The following INTS8 variants were observed in gnomAD, a reference collection of about 807,000 sequenced individuals.
INTS8 encodes the protein protein kaonashi-1.
In INTS8, 47 loss-of-function variants were observed where a neutral mutation model predicts 138.9. The observed-to-expected ratio is 0.34, with a 90% CI of 0.27 to 0.43. The LOEUF is 0.43. INTS8 is among the 20% of genes least tolerant of loss of function. The pLI, the probability that INTS8 is intolerant of heterozygous loss-of-function variation, is 1.00. For missense variants in INTS8, 996 were observed against 1,173.0 expected (o/e 0.85, Z 2.20); for synonymous variants, 392 against 400.9 (o/e 0.98, Z 0.27).
intron 20 of INTS8, among the ~76,000 whole-genome samples, chr8:94,869,053 G>A (rs1816290129): frequency 6.6e-6 from 1 of 151,118 alleles, no homozygotes; most frequent in Non-Finnish European, 1.5e-5. Flanking sequence ...CGCAATCTCG[G>A]CTCTCCACAA....
chr8:94,878,298 CCT>C (rs1459804836), intron 26 of INTS8, among the ~76,000 whole-genome samples: 1 of 152,132 alleles, frequency 6.6e-6, no homozygotes, highest in Admixed American at 6.6e-5. Flanking sequence ...TGTTTAAGCC[CCT>C]GTCCTCTCTC....
intron 1 of INTS8, 29 bp downstream of exon 1, chr8:94,823,590 G>C: frequency 6.7e-7 from 1 of 1,501,314 alleles, no homozygotes; most frequent in East Asian, 2.5e-5. Context: ...CCTGGGGAGC[G>C]GGACCCGGCC....
At chr8:94,851,826 A>G (rs745333722) in intron 13 of INTS8, 140 bp downstream of exon 13, 3 of 548,406 alleles carry the variant, frequency 5.5e-6, no homozygotes, top group South Asian at 3.4e-5. Context: ...ACATAATTGC[A>G]TTTTTAACAT....
intron 16 of INTS8, among the ~76,000 whole-genome samples, chr8:94,862,645 G>A (rs1330095664): frequency 6.6e-6 from 1 of 152,194 alleles, no homozygotes; most frequent in Non-Finnish European, 1.5e-5. Context: ...TGGTGACTTT[G>A]CGAAAGAATT....
Position 94,881,724 on chromosome 8 carries a change from T to C in INTS8, c.*1490T>C. On this transcript the variant is annotated 3_prime_UTR_variant, in exon 27 of 27. Transcript: ENST00000523731. Reference sequence around the variant, plus strand: ...GACAACTGTCCCCCTTTTCTGAAGGTGTTTATGTAATTTACTTCCTCCTAT... The same window carrying C: ...GACAACTGTCCCCCTTTTCTGAAGGCGTTTATGTAATTTACTTCCTCCTAT... 6.2e-7 allele frequency: 1 copy of C among 1,613,886 alleles called. No individual in the cohort carries two copies. Among genetic ancestry groups the C allele is most frequent in the Admixed American group, 1.7e-5 (1 of 60,024 alleles).
At chr8:94,878,261 T>C (rs1042120477) in intron 26 of INTS8, among the ~76,000 whole-genome samples, 20 of 152,198 alleles carry the variant, frequency 1.3e-4, no homozygotes, top group African/African-American at 4.1e-4. Context: ...CACATTCTCT[T>C]CGTGGACTCT....
At chr8:94,827,207 T>C in intron 2 of INTS8, 56 bp from the exon 3 acceptor site, 1 of 1,475,522 alleles carries the variant, frequency 6.8e-7, no homozygotes, top group Non-Finnish European at 9.5e-7. Flanking sequence ...ATTTTGTATG[T>C]ATTTTGTGTT....
At chr8:94,826,070 A>T (rs1043928336) in intron 2 of INTS8, among the ~76,000 whole-genome samples, 5 of 152,174 alleles carry the variant, frequency 3.3e-5, no homozygotes, top group African/African-American at 1.2e-4. Flanking sequence ...ACAGGGCCTT[A>T]AATATCTTTG....
rs189675765 is a variant in INTS8 at position 94,835,703 on chromosome 8, G to T, written c.754-821G>T. Reference sequence around the variant, plus strand: ...CAACCTCTGCCTCCCGGGTTCAAGCGATTCTCCTGCCCCAGCCTCCCAAAT... The same window carrying T: ...CAACCTCTGCCTCCCGGGTTCAAGCTATTCTCCTGCCCCAGCCTCCCAAAT... On this transcript the variant is annotated intron_variant, in intron 6 of 26. Coordinates refer to ENST00000523731, the MANE Select transcript of INTS8 (RefSeq NM_017864.4). Among the ~76,000 whole-genome samples the T allele has an allele frequency of 3.2e-3, 480 of 152,034 alleles. 3 individuals carry two copies. The highest frequency in any genetic ancestry group is 0.011 in the African/African-American group (461 of 41,472).
chr8:94,850,126 A>T, intron 12 of INTS8, 35 bp downstream of exon 12: 1 of 1,462,890 alleles, frequency 6.8e-7, no homozygotes, highest in East Asian at 2.4e-5. Context: ...AAATGTTGGC[A>T]TGTTTTGCCC....
chr8:94,870,393 TG>T (rs1227381328), intron 20 of INTS8, among the ~76,000 whole-genome samples: 1 of 152,212 alleles, frequency 6.6e-6, no homozygotes, highest in Non-Finnish European at 1.5e-5. Context: ...GAATAAAGAC[TG>T]GTACATAGTA....
intron 11 of INTS8, 147 bp downstream of exon 11, chr8:94,849,679 T>A: frequency 1.6e-6 from 1 of 618,922 alleles, no homozygotes; most frequent in Non-Finnish European, 2.8e-6. Flanking sequence ...AAGTTCAAAT[T>A]TGTATAGCCA....
rs1205795769 is a variant in INTS8 at position 94,881,606 on chromosome 8, C to T, written c.*1372C>T. 6.2e-7 allele frequency: 1 copy of T among 1,609,586 alleles called. No homozygotes were observed. Among genetic ancestry groups the T allele is most frequent in the Non-Finnish European group, 8.5e-7 (1 of 1,178,498 alleles). On this transcript the variant is annotated 3_prime_UTR_variant, in exon 27 of 27. Coordinates refer to ENST00000523731, the MANE Select transcript of INTS8 (RefSeq NM_017864.4). ...CAGTTCTACCCAATCTTGGTGAATT[C>T]CAACTTGTTTGCTTAGTTATCTTCT...
At chr8:94,826,799 A>G (rs927141655) in intron 2 of INTS8, among the ~76,000 whole-genome samples, 1 of 152,180 alleles carries the variant, frequency 6.6e-6, no homozygotes, top group Admixed American at 6.6e-5. Context: ...CATAATAAAA[A>G]GTTTTAAAAA....
Position 94,874,246 on chromosome 8 carries a change from C to T in INTS8, c.2638-306C>T, listed in dbSNP as rs200199007. Among the ~76,000 whole-genome samples, 199 of 65,072 alleles carry T rather than the reference C, an allele frequency of 3.1e-3. No individual in the cohort carries two copies. In the East Asian group the frequency reaches 0.078, roughly 25 times the overall value. 42.7% of individuals were successfully genotyped at this position (65,072 alleles called of 152,430 possible). ...CCTGCACCTGGTGTCAAATTTTGTC[C>T]GTTTTTTTTTTTGATATGCATTGCC... On this transcript the variant is annotated intron_variant, in intron 22 of 26. Coordinates refer to ENST00000523731, the MANE Select transcript of INTS8 (RefSeq NM_017864.4).
rs1033714490 is a variant in INTS8 at position 94,871,891 on chromosome 8, T to G, written c.2422T>G (p.Ser808Ala). 1.9e-5 allele frequency: 30 copies of G among 1,561,776 alleles called. No homozygotes were observed. Among genetic ancestry groups the G allele is most frequent in the Non-Finnish European group, 2.5e-5 (28 of 1,133,750 alleles). The change falls in exon 21 of 27, where the codon TCT becomes GCT. Residue 808 changes from serine to alanine, a missense_variant. Physicochemically the swap from Ser to Ala is moderately conservative, Grantham distance 99. Transcript: ENST00000523731. ...GTGTGTCTTTCCTTTTAGCCTCCAG[T>G]CTGTGGACTTTGAAGCTGTGGCAAT... ...IWPSSIPNLQ[S>A]VDFEAVAITV...
chr8:94,825,742 A>T (rs1164638782), intron 2 of INTS8, among the ~76,000 whole-genome samples: 1 of 152,148 alleles, frequency 6.6e-6, no homozygotes, highest in African/African-American at 2.4e-5. Context: ...AAAATGATTT[A>T]TTATCATCCC....
intron 26 of INTS8, among the ~76,000 whole-genome samples, chr8:94,877,861 A>G (rs1586535897): frequency 2.0e-5 from 3 of 151,954 alleles, no homozygotes; most frequent in Admixed American, 2.0e-4. Context: ...GTTTTGTGAC[A>G]TTTTTTTCCC....
intron 16 of INTS8, among the ~76,000 whole-genome samples, chr8:94,862,374 G>A (rs78312576): frequency 0.015 from 2,329 of 152,270 alleles, 59 homozygotes; most frequent in African/African-American, 0.053. Flanking sequence ...TGTGTTCCAA[G>A]GTTACTGTCA....
Sources: gnomAD v4.1 joint callset for allele counts (sites outside exome capture counted in the v4.1 genomes callset) on GRCh38, gnomAD v4.1.1 for gene constraint, MANE v1.5 for transcripts, NCBI Gene and HGNC (gene_info 2026-07-23, HGNC 2026-07-21) for gene names.